The following EMP2 variants were observed in gnomAD, a reference collection of about 807,000 sequenced individuals.
The protein encoded by EMP2 is epithelial membrane protein 2.
Under a neutral mutation model 13.7 loss-of-function variants are expected in EMP2, and 19 were observed. The ratio of observed to expected loss-of-function variants is 1.38; its 90% CI spans 0.97 to 2.03. EMP2 has a LOEUF of 2.03. EMP2 is among the 30% of genes most tolerant of loss of function. EMP2 has a pLI of 0.00. For missense variants in EMP2, 253 were observed against 220.7 expected (o/e 1.15, Z -0.93); for synonymous variants, 97 against 84.7 (o/e 1.15, Z -0.80).
At chr16:10,534,594 C>T (rs534430269) in intron 4 of EMP2, among the ~76,000 whole-genome samples, 1 of 152,140 alleles carries the variant, frequency 6.6e-6, no homozygotes, top group East Asian at 1.9e-4. Context: ...AGCAAAACCT[C>T]ACCTCTACTA....
At chr16:10,540,947 G>A (rs528835608) in intron 3 of EMP2, among the ~76,000 whole-genome samples, 12 of 152,144 alleles carry the variant, frequency 7.9e-5, no homozygotes, top group Non-Finnish European at 1.6e-4. Context: ...AATTAGCCAG[G>A]TGTGGTGGCA....
intron 1 of EMP2, among the ~76,000 whole-genome samples, chr16:10,577,863 GCCCTGTCCCCACCTTAGC>G (rs1222229366): frequency 6.6e-6 from 1 of 151,796 alleles, no homozygotes. Context: ...GGAGAGCCCT[GCCCTGTCCCCACCTTAGC>G]CCCTGTAGCC....
chr16:10,560,226 T>C (rs145684328), intron 1 of EMP2, among the ~76,000 whole-genome samples: 8 of 152,302 alleles, frequency 5.3e-5, no homozygotes, highest in Non-Finnish European at 1.0e-4. Flanking sequence ...TGCTAAGTTA[T>C]TCCTCCAGGT....
chr16:10,579,518 C>T (rs2051008477), intron 1 of EMP2, among the ~76,000 whole-genome samples: 1 of 152,070 alleles, frequency 6.6e-6, no homozygotes, highest in African/African-American at 2.4e-5. Flanking sequence ...AAACTCTGTC[C>T]CATTAAACAG....
At chr16:10,569,367 C>G (rs2050931373) in intron 1 of EMP2, among the ~76,000 whole-genome samples, 1 of 152,178 alleles carries the variant, frequency 6.6e-6, no homozygotes, top group Non-Finnish European at 1.5e-5. Flanking sequence ...GGGTCTCGCT[C>G]TGCTGCCCAG....
chr16:10,543,464 C>G, intron 3 of EMP2, 106 bp downstream of exon 3: 1 of 1,266,034 alleles, frequency 7.9e-7, no homozygotes, highest in Non-Finnish European at 1.1e-6. Context: ...CCGGAGTATG[C>G]AGTGAGTGGA....
chr16:10,540,449 C>T (rs1006530151), intron 3 of EMP2, among the ~76,000 whole-genome samples: 5 of 151,814 alleles, frequency 3.3e-5, no homozygotes, highest in African/African-American at 4.8e-5. Context: ...GGGACTGCAG[C>T]GAGCAGAGAT....
chr16:10,539,071 T>TA (rs1035206077), intron 3 of EMP2, among the ~76,000 whole-genome samples: 1 of 152,036 alleles, frequency 6.6e-6, no homozygotes, highest in African/African-American at 2.4e-5. Flanking sequence ...CTCATCGGGC[T>TA]AGGAAGGTAG....
chr16:10,551,720 T>C (rs1188315964), intron 1 of EMP2, among the ~76,000 whole-genome samples: 1 of 152,174 alleles, frequency 6.6e-6, no homozygotes, highest in African/African-American at 2.4e-5. Flanking sequence ...AATAGGATCA[T>C]TTTAAAAGGC....
intron 1 of EMP2, among the ~76,000 whole-genome samples, chr16:10,557,230 G>A (rs1254420443): frequency 6.6e-6 from 1 of 151,950 alleles, no homozygotes. Flanking sequence ...GGTGGCAGAT[G>A]CCTATCGTCC....
At chr16:10,568,822 T>C (rs1006008101) in intron 1 of EMP2, among the ~76,000 whole-genome samples, 1 of 132,842 alleles carries the variant, frequency 7.5e-6, no homozygotes, top group African/African-American at 2.9e-5. Flanking sequence ...ATTTCACTCG[T>C]GTCACCCAAG....
intron 1 of EMP2, among the ~76,000 whole-genome samples, chr16:10,558,516 A>G (rs1228449217): frequency 6.6e-6 from 1 of 151,654 alleles, no homozygotes; most frequent in Non-Finnish European, 1.5e-5. Context: ...TCGCACGTCT[A>G]GCTCTGGGTG....
chr16:10,547,454 A>G (rs2050748133), intron 2 of EMP2, 86 bp downstream of exon 2: 3 of 1,399,774 alleles, frequency 2.1e-6, no homozygotes, highest in East Asian at 4.7e-5. Context: ...TGCCTTTATC[A>G]GCAGCATGAG....
chr16:10,531,179 G>C lies in EMP2; in HGVS notation c.*1726C>G, dbSNP rs1246025933. The C allele has an allele frequency of 1.3e-5, 2 of 152,050 alleles. No homozygotes were observed. Among genetic ancestry groups the C allele is most frequent in the African/African-American group, 4.8e-5 (2 of 41,360 alleles). The allele number at this position is 152,050 out of a possible 1,614,324, so 9.4% of individuals were successfully genotyped here. A position where few individuals can be genotyped will look rare whatever the true frequency, so the allele number is the denominator to read the frequency against. ...GGTAGAGACGGGGTTTCACCATGTT[G>C]GCCAGGCTGGTCTTGAACTCCTGAC... On this transcript the variant is annotated 3_prime_UTR_variant, in exon 5 of 5. Transcript: ENST00000359543.
chr16:10,574,375 G>A (rs184778384), intron 1 of EMP2, among the ~76,000 whole-genome samples: 49 of 151,970 alleles, frequency 3.2e-4, no homozygotes, highest in Middle Eastern at 3.4e-3. Flanking sequence ...GCATCCTCAC[G>A]CCTGCCTCCT....
chr16:10,568,780 C>CTT (rs58406598), intron 1 of EMP2, among the ~76,000 whole-genome samples: 11,474 of 84,828 alleles, frequency 0.14, 1,421 homozygotes, highest in African/African-American at 0.21. Context: ...CTAGGATTTT[C>CTT]TTTTTTTTTT....
intron 3 of EMP2, among the ~76,000 whole-genome samples, chr16:10,538,752 T>G (rs1464534275): frequency 6.6e-6 from 1 of 152,064 alleles, no homozygotes; most frequent in African/African-American, 2.4e-5. Flanking sequence ...TATGTGGCCA[T>G]AGGGAAGGCA....
chr16:10,542,586 G>C (rs1301571671), intron 3 of EMP2, among the ~76,000 whole-genome samples: 3 of 152,080 alleles, frequency 2.0e-5, no homozygotes, highest in African/African-American at 7.2e-5. Flanking sequence ...ATTTTATCAG[G>C]CAACTGGGAT....
At chr16:10,552,885 A>G (rs1326622969) in intron 1 of EMP2, among the ~76,000 whole-genome samples, 4 of 152,192 alleles carry the variant, frequency 2.6e-5, no homozygotes, top group Admixed American at 6.5e-5. Context: ...GCTTCTACAG[A>G]GAAAGGGATA....
Sources: allele counts gnomAD v4.1 joint callset (sites outside exome capture counted in the v4.1 genomes callset), GRCh38; gene constraint gnomAD v4.1.1; transcripts MANE v1.5; gene names NCBI Gene and HGNC (gene_info 2026-07-23, HGNC 2026-07-21).